The following PTK2 variants were observed in gnomAD, a reference collection of about 807,000 sequenced individuals.
The protein encoded by PTK2 is protein tyrosine kinase 2.
A neutral mutation model predicts 150.1 loss-of-function variants in PTK2; 45 were observed. The observed-to-expected ratio is 0.30, with a 90% confidence interval of 0.24 to 0.38. PTK2 has a LOEUF of 0.38. Ranked by LOEUF, PTK2 falls within the 10% of genes least tolerant of loss-of-function variation. The probability of loss-of-function intolerance (pLI) is 1.00; values close to 1 mark genes in which losing one functional copy is unlikely to be tolerated. For synonymous variants in PTK2, 432 were observed against 449.2 expected (o/e 0.96, Z 0.48); for missense variants, 919 against 1,307.3 (o/e 0.70, Z 4.58).
intron 29 of PTK2, chr8:140,669,301 G>GTGTATATATATATA (rs1554641612): frequency 2.4e-4 from 24 of 97,990 alleles, no homozygotes; most frequent in African/African-American, 8.4e-4. Context: ...GCATAAAATG[G>GTGTATATATATATA]TATATATATA....
At chr8:140,787,346 A>C (rs2100085553) in intron 14 of PTK2, among the ~76,000 whole-genome samples, 1 of 152,230 alleles carries the variant, frequency 6.6e-6, no homozygotes, top group Admixed American at 6.5e-5. Flanking sequence ...CAAGAAAACT[A>C]TCTTATAGGC....
intron 16 of PTK2, among the ~76,000 whole-genome samples, chr8:140,755,898 C>T (rs2100065405): frequency 6.6e-6 from 1 of 152,118 alleles, no homozygotes; most frequent in Non-Finnish European, 1.5e-5. Flanking sequence ...TTTGATTTTA[C>T]AGAATACTAA....
intron 1 of PTK2, among the ~76,000 whole-genome samples, chr8:140,962,648 G>A (rs923441374): frequency 2.5e-4 from 38 of 151,932 alleles, no homozygotes; most frequent in African/African-American, 7.7e-4. Context: ...AAAATTAGCC[G>A]GGCGTGGTGG....
At chr8:140,696,486 G>T (rs1257757812) in intron 26 of PTK2, among the ~76,000 whole-genome samples, 2 of 152,140 alleles carry the variant, frequency 1.3e-5, no homozygotes, top group African/African-American at 2.4e-5. Flanking sequence ...AGAGGCCAGG[G>T]ATGTTGCTAA....
chr8:140,883,240 A>C (rs544087385), intron 3 of PTK2, among the ~76,000 whole-genome samples: 1 of 152,272 alleles, frequency 6.6e-6, no homozygotes. Flanking sequence ...TACATGCATG[A>C]TGCTAGTGAC....
At chr8:140,848,982 T>C (rs1412642612) in intron 5 of PTK2, among the ~76,000 whole-genome samples, 2 of 152,080 alleles carry the variant, frequency 1.3e-5, no homozygotes, top group African/African-American at 4.8e-5. Flanking sequence ...GAAAAAATAA[T>C]CAAATGCTAT....
At chr8:140,939,699 G>A (rs1379769838) in intron 1 of PTK2, among the ~76,000 whole-genome samples, 2 of 152,130 alleles carry the variant, frequency 1.3e-5, no homozygotes, top group African/African-American at 2.4e-5. Context: ...TTGTCACTAG[G>A]AGATAAAAAC....
intron 1 of PTK2, among the ~76,000 whole-genome samples, chr8:140,943,041 C>A (rs541763975): frequency 6.6e-6 from 1 of 152,270 alleles, no homozygotes; most frequent in East Asian, 1.9e-4. Context: ...TCCGACGCCT[C>A]CCTGGAAGCC....
intron 16 of PTK2, among the ~76,000 whole-genome samples, chr8:140,758,730 A>G (rs78554926): frequency 6.6e-6 from 1 of 152,242 alleles, no homozygotes. Flanking sequence ...TAGTATTAAG[A>G]AAAGTTTTTA....
chr8:140,917,043 A>G (rs986330317), intron 2 of PTK2, among the ~76,000 whole-genome samples: 1 of 152,218 alleles, frequency 6.6e-6, no homozygotes, highest in Admixed American at 6.5e-5. Context: ...AGCTATTACT[A>G]TAAGAAGCAC....
At position 140,917,634 on chromosome 8, in the gene PTK2, T is replaced by C. The variant is rs75549014; in HGVS notation, c.-33+8027A>G. 3.4e-3 allele frequency among the ~76,000 whole-genome samples: 521 copies of C among 152,304 alleles called. 13 individuals carry two copies. The East Asian group carries it at 0.066, about 19-fold the overall frequency. ...ACAAAACACTGTATTAATCACAAGA[T>C]TTTAGCTCTGAAAGAGCCTTTTAAA... On this transcript the variant is annotated intron_variant, in intron 2 of 31. Transcript: ENST00000522684.
At chr8:140,743,376 C>T in intron 19 of PTK2, 46 bp from the exon 23 acceptor site, 1 of 1,487,998 alleles carries the variant, frequency 6.7e-7, no homozygotes, top group Non-Finnish European at 9.3e-7. Flanking sequence ...ATAAGAAAAA[C>T]AAACATACAA....
chr8:140,944,873 G>A (rs984838842), intron 1 of PTK2, among the ~76,000 whole-genome samples: 2 of 152,188 alleles, frequency 1.3e-5, no homozygotes, highest in African/African-American at 4.8e-5. Context: ...ATTTCAAACT[G>A]AGCAATGCTT....
At chr8:140,755,452 T>C (rs2100065097) in intron 16 of PTK2, among the ~76,000 whole-genome samples, 1 of 152,190 alleles carries the variant, frequency 6.6e-6, no homozygotes, top group South Asian at 2.1e-4. Context: ...CTCCTGGTGG[T>C]GTACTGTCCT....
At chr8:140,986,213 C>A (rs989563505) in intron 1 of PTK2, among the ~76,000 whole-genome samples, 1 of 152,156 alleles carries the variant, frequency 6.6e-6, no homozygotes, top group African/African-American at 2.4e-5. Flanking sequence ...ATGGGCCTTT[C>A]AACTTCGCTT....
chr8:140,758,093 T>C (rs1024421873), intron 16 of PTK2, among the ~76,000 whole-genome samples: 1 of 152,178 alleles, frequency 6.6e-6, no homozygotes, highest in East Asian at 1.9e-4. Context: ...AGTGTACTCC[T>C]ACTTATTTAT....
At chr8:140,685,471 A>AT (rs1255239722) in intron 27 of PTK2, among the ~76,000 whole-genome samples, 1 of 152,228 alleles carries the variant, frequency 6.6e-6, no homozygotes, top group African/African-American at 2.4e-5. Context: ...ATGGGAGAAA[A>AT]TATTTGCAAA....
rs868196132 is a variant in PTK2 at position 140,686,815 on chromosome 8, T to G, written c.2500-121A>C. The G allele has an allele frequency of 3.5e-6, 3 of 851,646 alleles. No homozygotes were observed. In the Middle Eastern group the frequency reaches 8.3e-4, roughly 235 times the overall value. 52.8% of individuals were successfully genotyped at this position (851,646 alleles called of 1,614,324 possible). A position where few individuals can be genotyped will look rare whatever the true frequency, so the allele number is the denominator to read the frequency against. On this transcript the variant is annotated intron_variant, in intron 26 of 31. Coordinates refer to ENST00000522684, the Ensembl canonical transcript of PTK2. ...TCCTCTGAATAAGAAGAGTTGAAAG[T>G]TCCCCCGTTTCAAAAAAATTCCAGT...
chr8:140,744,789 G>GAA (rs372806706), intron 18 of PTK2, 22 bp from the exon 22 acceptor site: 1,830 of 665,176 alleles, frequency 2.8e-3, no homozygotes, highest in South Asian at 4.4e-3. Context: ...ATGACCAAAA[G>GAA]AAAAAAAAAA....
Sources: gnomAD v4.1 joint callset for allele counts (sites outside exome capture counted in the v4.1 genomes callset) on GRCh38, gnomAD v4.1.1 for gene constraint, MANE v1.5 for transcripts, NCBI Gene and HGNC (gene_info 2026-07-23, HGNC 2026-07-21) for gene names.